Variants in LIPK observed in about 807,000 individuals in gnomAD.
The protein encoded by LIPK is lipase member K.
Under a neutral mutation model 48.6 loss-of-function variants are expected in LIPK, and 32 were observed. The ratio of observed to expected loss-of-function variants is 0.66; its 90% CI spans 0.50 to 0.88. The LOEUF (loss-of-function observed/expected upper bound fraction) is 0.88. LIPK is among the 40% of genes least tolerant of loss of function. The pLI, the probability that LIPK is intolerant of heterozygous loss-of-function variation, is 0.00. For synonymous variants in LIPK, 164 were observed against 157.4 expected, an observed-to-expected ratio of 1.04 and a Z score of -0.32; for missense variants, 507 against 478.5, an observed-to-expected ratio of 1.06 and a Z score of -0.56.
At chr10:88,733,694 T>C (rs1360057278) in intron 6 of LIPK, among the ~76,000 whole-genome samples, 1 of 152,208 alleles carries the variant, frequency 6.6e-6, no homozygotes, top group African/African-American at 2.4e-5. Context: ...AATTAAGAGA[T>C]ATTTTGGGAT....
At chr10:88,722,535 A>G (rs1208101877) in intron 1 of LIPK, among the ~76,000 whole-genome samples, 1 of 152,204 alleles carries the variant, frequency 6.6e-6, no homozygotes, top group Non-Finnish European at 1.5e-5. Flanking sequence ...ATTCTCCTTC[A>G]GCTAGGCGGT....
intron 3 of LIPK, among the ~76,000 whole-genome samples, chr10:88,730,622 C>T (rs186696251): frequency 6.6e-6 from 1 of 152,228 alleles, no homozygotes; most frequent in Admixed American, 6.5e-5. Flanking sequence ...TAGTTCTCAT[C>T]GAATTCTTAT....
chr10:88,751,868 G>C (rs1019992592), intron 9 of LIPK, among the ~76,000 whole-genome samples: 2 of 152,114 alleles, frequency 1.3e-5, no homozygotes, highest in African/African-American at 4.8e-5. Flanking sequence ...TTTTAGTCAC[G>C]TGCCCATCTC....
chr10:88,733,314 G>A (rs1324504497), intron 6 of LIPK, among the ~76,000 whole-genome samples: 1 of 152,170 alleles, frequency 6.6e-6, no homozygotes, highest in African/African-American at 2.4e-5. Flanking sequence ...CATTGCATGG[G>A]TTGGTGTGTT....
rs369150884 is a variant in LIPK at position 88,732,224 on chromosome 10, A to G, written c.469A>G (p.Ile157Val). The change falls in exon 5 of 10, where the codon ATC becomes GTC. Residue 157 changes from isoleucine (I) to valine (V), a missense_variant. Physicochemically the swap from Ile to Val is conservative, Grantham distance 29. Transcript: ENST00000404190. ...KYDLPATINF[I>V]IEKTGQKRLY... The stretch of plus-strand genomic sequence containing the variant: ...TGACCTTCCAGCCACAATCAATTTT[A>G]TCATAGAGAAAACTGGACAGAAGCG... 1 of 1,613,780 alleles carries G rather than the reference A, an allele frequency of 6.2e-7. No individual in the cohort carries two copies. Among genetic ancestry groups the G allele is most frequent in the Admixed American group, 1.7e-5 (1 of 59,972 alleles).
At chr10:88,741,700 A>G (rs1425555834) in intron 8 of LIPK, among the ~76,000 whole-genome samples, 1 of 152,142 alleles carries the variant, frequency 6.6e-6, no homozygotes, top group African/African-American at 2.4e-5. Context: ...TGGGAGTAAT[A>G]CTAGTGAAAA....
intron 6 of LIPK, among the ~76,000 whole-genome samples, chr10:88,734,832 C>T (rs371934464): frequency 2.0e-5 from 3 of 152,124 alleles, no homozygotes; most frequent in East Asian, 1.9e-4. Context: ...TGATAGACAA[C>T]GTTTAGGTAT....
intron 1 of LIPK, among the ~76,000 whole-genome samples, chr10:88,710,118 T>C (rs1338516923): frequency 6.6e-6 from 1 of 151,898 alleles, no homozygotes; most frequent in Non-Finnish European, 1.5e-5. Flanking sequence ...AATGGACTTA[T>C]CTACAAGATT....
intron 6 of LIPK, among the ~76,000 whole-genome samples, chr10:88,736,342 C>T (rs1276798154): frequency 2.0e-5 from 3 of 152,176 alleles, no homozygotes; most frequent in Admixed American, 6.5e-5. Flanking sequence ...CCAGACTCTT[C>T]ATTTTATCTC....
At chr10:88,707,015 T>C (rs193128362) in intron 1 of LIPK, among the ~76,000 whole-genome samples, 1 of 152,186 alleles carries the variant, frequency 6.6e-6, no homozygotes, top group African/African-American at 2.4e-5. Context: ...ATGAGTCAAC[T>C]GGATGGACTA....
intron 2 of LIPK, among the ~76,000 whole-genome samples, chr10:88,726,367 G>T (rs537446740): frequency 1.3e-5 from 2 of 152,178 alleles, no homozygotes; most frequent in Non-Finnish European, 2.9e-5. Context: ...GGCACATAGA[G>T]TGATAAACAG....
rs751032715 is a variant in LIPK at position 88,724,519 on chromosome 10, A to C, written c.-11-14A>C. 1 of 1,476,736 alleles carries C rather than the reference A, an allele frequency of 6.8e-7. No individual in the cohort carries two copies. Among genetic ancestry groups the C allele is most frequent in the East Asian group, 2.3e-5 (1 of 43,400 alleles). 91.5% of individuals were successfully genotyped at this position (1,476,736 alleles called of 1,614,324 possible). The stretch of plus-strand genomic sequence containing the variant: ...TTATCTTTGATGACAAATATATTAA[A>C]TTTCCTTTCCTAGGCAGATCCCAAA... On this transcript the variant is annotated splice_polypyrimidine_tract_variant and intron_variant, in intron 1 of 9. Coordinates refer to ENST00000404190, the MANE Select transcript of LIPK (RefSeq NM_001080518.2).
At chr10:88,718,037 C>A (rs950991611) in intron 1 of LIPK, among the ~76,000 whole-genome samples, 1 of 151,498 alleles carries the variant, frequency 6.6e-6, no homozygotes, top group African/African-American at 2.4e-5. Context: ...TAGGTAATAT[C>A]GATTCATTAT....
chr10:88,711,128 G>A (rs1376516177), intron 1 of LIPK, among the ~76,000 whole-genome samples: 1 of 151,916 alleles, frequency 6.6e-6, no homozygotes, highest in Non-Finnish European at 1.5e-5. Flanking sequence ...CAAGTATTTT[G>A]TCCATTTTTT....
At chr10:88,726,456 G>T (rs1016234225) in intron 2 of LIPK, among the ~76,000 whole-genome samples, 2 of 152,216 alleles carry the variant, frequency 1.3e-5, no homozygotes, top group East Asian at 3.8e-4. Context: ...GGAGGCTAAG[G>T]CAGGGGAACG....
chr10:88,736,471 GCTT>G (rs1161332196), intron 6 of LIPK, among the ~76,000 whole-genome samples: 1 of 152,090 alleles, frequency 6.6e-6, no homozygotes, highest in Non-Finnish European at 1.5e-5. Context: ...CATAAAATGA[GCTT>G]CTCTTTTAAA....
intron 1 of LIPK, among the ~76,000 whole-genome samples, chr10:88,714,031 T>C (rs1351592756): frequency 6.6e-6 from 1 of 152,126 alleles, no homozygotes; most frequent in Non-Finnish European, 1.5e-5. Flanking sequence ...TTGTTGTTGT[T>C]TTCTCTTTCG....
chr10:88,708,438 T>G lies in LIPK; in HGVS notation c.-12+2118T>G, dbSNP rs1036571691. ...GACCATACTTTTTTGTTTATTTGTT[T>G]TAGAAGTTTAAAAACAATAAAAATT... is the stretch of plus-strand genomic sequence containing the variant. On this transcript the variant is annotated intron_variant, in intron 1 of 9. Transcript: ENST00000404190. 4.4e-4 allele frequency among the ~76,000 whole-genome samples: 67 copies of G among 152,240 alleles called. 1 individual carries two copies. The highest frequency in any genetic ancestry group is 2.2e-4 in the Non-Finnish European group (15 of 67,980).
chr10:88,709,386 C>A (rs760324802), intron 1 of LIPK, among the ~76,000 whole-genome samples: 93 of 152,088 alleles, frequency 6.1e-4, no homozygotes, highest in Admixed American at 1.1e-3. Context: ...CTGCACCTAT[C>A]AACCCGTCAT....
Sources: gnomAD v4.1 joint callset for allele counts (sites outside exome capture counted in the v4.1 genomes callset) on GRCh38, gnomAD v4.1.1 for gene constraint, MANE v1.5 for transcripts, NCBI Gene and HGNC (gene_info 2026-07-23, HGNC 2026-07-21) for gene names.